GIN1: variants seen among roughly 807,000 people sequenced by gnomAD.
GIN1 encodes the protein gypsy retrotransposon integrase-like protein 1.
In GIN1, 41 loss-of-function variants were observed where a neutral mutation model predicts 51.4. The observed-to-expected ratio is 0.80, with a 90% confidence interval of 0.62 to 1.04. The LOEUF is 1.04. GIN1 is among the 50% of genes least tolerant of loss of function. The pLI is 0.00. For synonymous variants in GIN1, 222 were observed against 206.5 expected, an observed-to-expected ratio of 1.07 and a Z score of -0.64; for missense variants, 610 against 612.4, an observed-to-expected ratio of 1.00 and a Z score of 0.04.
In GIN1 at chr5:103,112,013, T is replaced by C. The variant is rs148110880; in HGVS notation, c.-7-3299A>G. The stretch of plus-strand genomic sequence containing the variant: ...TTTGAAATCTTTAACTTTTGAATAA[T>C]TGAAAGTAGATCGAAATAGAGAAAT... On this transcript the variant is annotated intron_variant, in intron 1 of 7. Coordinates refer to ENST00000399004, the MANE Select transcript of GIN1 (RefSeq NM_017676.2). 6.8e-3 allele frequency among the ~76,000 whole-genome samples: 1,029 copies of C among 152,300 alleles called. 7 individuals are homozygous for C. The highest frequency in any genetic ancestry group is 0.013 in the Non-Finnish European group (857 of 68,010).
Position 103,087,441 on chromosome 5 carries a change from TG to T in GIN1, c.*456del, listed in dbSNP as rs1787105369. On this transcript the variant is annotated 3_prime_UTR_variant, in exon 8 of 8. Transcript: ENST00000399004. The stretch of plus-strand genomic sequence containing the variant: ...AACCCTATATTTTTTCATACAATCT[TG>T]TTTTTAGAAGTTCTAATGAAACAGA... 1 of 152,462 alleles carries T rather than the reference TG, an allele frequency of 6.6e-6. No individual in the cohort carries two copies. Among genetic ancestry groups the T allele is most frequent in the African/African-American group, 2.4e-5 (1 of 41,482 alleles). 9.4% of individuals were successfully genotyped at this position (152,462 alleles called of 1,614,324 possible).
chr5:103,103,121 T>C (rs1737583464), intron 4 of GIN1, among the ~76,000 whole-genome samples: 1 of 152,190 alleles, frequency 6.6e-6, no homozygotes, highest in Non-Finnish European at 1.5e-5. Flanking sequence ...AGATTTTGGT[T>C]ATAAGACCAA....
At chr5:103,095,314 A>G (rs1008282190) in intron 7 of GIN1, among the ~76,000 whole-genome samples, 2 of 152,140 alleles carry the variant, frequency 1.3e-5, no homozygotes, top group Non-Finnish European at 2.9e-5. Context: ...ATAATCTAAA[A>G]GCCATGGCAA....
intron 7 of GIN1, among the ~76,000 whole-genome samples, chr5:103,091,125 A>G (rs1041386812): frequency 6.6e-6 from 1 of 152,162 alleles, no homozygotes; most frequent in South Asian, 2.1e-4. Context: ...AACTCCTACT[A>G]TGGTCTAAAT....
chr5:103,115,365 G>A (rs1333070577), intron 1 of GIN1, among the ~76,000 whole-genome samples: 22 of 152,078 alleles, frequency 1.4e-4, no homozygotes, highest in African/African-American at 5.1e-4. Context: ...TCTAACACAC[G>A]TTACCACATG....
chr5:103,099,687 T>C (rs1373282994), intron 4 of GIN1, among the ~76,000 whole-genome samples: 13 of 152,180 alleles, frequency 8.5e-5, no homozygotes, highest in Non-Finnish European at 1.3e-4. Context: ...AAACCAGATA[T>C]TCCGTCAGTT....
chr5:103,092,945 CAAAAAAAAAAAAAAA>C (rs5870040), intron 7 of GIN1, among the ~76,000 whole-genome samples: 1 of 60,476 alleles, frequency 1.7e-5, no homozygotes, highest in African/African-American at 6.4e-5. Context: ...GAACCTGTCT[CAAAAAAAAAAAAAAA>C]AAAAAAAAAG....
Position 103,106,862 on chromosome 5 carries a change from C to T in GIN1, c.187G>A (p.Val63Ile), listed in dbSNP as rs781786596. The change falls in exon 3 of 8, where the codon GTA (valine) becomes ATA (isoleucine). Residue 63 changes from valine to isoleucine, a missense_variant. Physicochemically the swap from Val to Ile is conservative, Grantham distance 29. Coordinates refer to ENST00000399004, the MANE Select transcript of GIN1 (RefSeq NM_017676.2). ...TTTTTTTCCTCTTCTGAAACAATTA[C>T]CAAACGATTTTGTTTTCTGTCTTTT... is the stretch of plus-strand genomic sequence containing the variant. ...VGKDRKQNRL[V>I]IVSEEEKKKV... 24 of 1,591,748 alleles carry T rather than the reference C, an allele frequency of 1.5e-5. No individual in the cohort carries two copies. The highest frequency in any genetic ancestry group is 2.0e-5 in the Non-Finnish European group (23 of 1,170,130).
rs1008923768 is a variant in GIN1, at chr5:103,120,115, T to G, written c.-59A>C. 17 of 193,832 alleles carry G rather than the reference T, an allele frequency of 8.8e-5. No homozygotes were observed. The highest frequency in any genetic ancestry group is 1.6e-4 in the South Asian group (2 of 12,584). The allele number at this position is 193,832 out of a possible 1,614,324, so 12.0% of individuals were successfully genotyped here. A position where few individuals can be genotyped will look rare whatever the true frequency, so the allele number is the denominator to read the frequency against. ...GATTTAAGCTTCCTCTCGTGATTTA[T>G]CTCGCGCTGCCGGAAGCGGAACTAC... On this transcript the variant is annotated 5_prime_UTR_variant, in exon 1 of 8. Transcript: ENST00000399004.
intron 4 of GIN1, among the ~76,000 whole-genome samples, chr5:103,103,814 A>C (rs1554195983): frequency 6.6e-6 from 1 of 152,110 alleles, no homozygotes; most frequent in African/African-American, 2.4e-5. Context: ...TTTTGAGACA[A>C]GGTCTCACTC....
chr5:103,108,852 G>A (rs1316149700), intron 1 of GIN1, 138 bp from the exon 2 acceptor site: 2 of 620,784 alleles, frequency 3.2e-6, no homozygotes, highest in Non-Finnish European at 5.5e-6. Flanking sequence ...GATAATTGCA[G>A]TACAGGAAAG....
chr5:103,092,586 ATACTAAATC>A (rs1416317486), intron 7 of GIN1, among the ~76,000 whole-genome samples: 1 of 152,184 alleles, frequency 6.6e-6, no homozygotes. Context: ...CTATAACTTG[ATACTAAATC>A]ACTGTCATTA....
intron 7 of GIN1, among the ~76,000 whole-genome samples, chr5:103,096,157 C>A (rs1787386064): frequency 6.6e-6 from 1 of 151,882 alleles, no homozygotes; most frequent in Admixed American, 6.6e-5. Context: ...GCCTAGCTAA[C>A]ATGGTGAAAC....
At chr5:103,088,614 G>A (rs781896822) in intron 7 of GIN1, among the ~76,000 whole-genome samples, 2 of 152,108 alleles carry the variant, frequency 1.3e-5, no homozygotes, top group African/African-American at 4.8e-5. Flanking sequence ...CCAACATGGC[G>A]AAACCCCTTC....
intron 1 of GIN1, among the ~76,000 whole-genome samples, chr5:103,119,443 C>T (rs78947218): frequency 0.042 from 6,459 of 152,288 alleles, 442 homozygotes; most frequent in African/African-American, 0.15. Flanking sequence ...ATGCCTTCAT[C>T]GCCATATGCA....
intron 1 of GIN1, among the ~76,000 whole-genome samples, chr5:103,117,226 T>C (rs569732765): frequency 5.2e-4 from 79 of 152,138 alleles, no homozygotes; most frequent in African/African-American, 1.9e-3. Context: ...AAACTATAAA[T>C]AGACCTAACA....
chr5:103,107,065 A>G (rs1302859618), intron 2 of GIN1, among the ~76,000 whole-genome samples, 156 bp from the exon 3 acceptor site: 1 of 152,100 alleles, frequency 6.6e-6, no homozygotes, highest in Non-Finnish European at 1.5e-5. Context: ...TAATGATGCT[A>G]CAACACAAAG....
chr5:103,098,664 G>T (rs1211488007), intron 4 of GIN1, among the ~76,000 whole-genome samples: 1 of 151,884 alleles, frequency 6.6e-6, no homozygotes, highest in Non-Finnish European at 1.5e-5. Context: ...TCACCATGTT[G>T]CCCAGGCTGG....
intron 7 of GIN1, among the ~76,000 whole-genome samples, chr5:103,091,041 C>G (rs1377391160): frequency 1.3e-5 from 2 of 152,038 alleles, no homozygotes; most frequent in African/African-American, 4.8e-5. Flanking sequence ...CATAGAAAAC[C>G]ACTCTGAATA....
Sources: gnomAD v4.1 joint callset for allele counts (sites outside exome capture counted in the v4.1 genomes callset) on GRCh38, gnomAD v4.1.1 for gene constraint, MANE v1.5 for transcripts, NCBI Gene and HGNC (gene_info 2026-07-23, HGNC 2026-07-21) for gene names.